Variants in PI4KA observed in about 807,000 individuals in gnomAD.
PI4KA encodes phosphatidylinositol 4-kinase alpha.
Under a neutral mutation model 271.4 loss-of-function variants are expected in PI4KA, and 122 were observed. The observed-to-expected ratio is 0.45, with a 90% confidence interval of 0.39 to 0.52. The LOEUF is 0.52. Ranked by LOEUF, PI4KA falls within the 20% of genes least tolerant of loss-of-function variation. The pLI is 0.00. For synonymous variants in PI4KA, 1,041 were observed against 1,078.8 expected (o/e 0.96, Z 0.69); for missense variants, 1,969 against 2,769.1 (o/e 0.71, Z 6.48).
At chr22:20,818,401 C>A in intron 7 of PI4KA, 82 bp downstream of exon 7, 2 of 990,158 alleles carry the variant, frequency 2.0e-6, no homozygotes, top group Admixed American at 2.7e-5. Context: ...TTAGTATCAG[C>A]ATCCTTAATA....
intron 13 of PI4KA, among the ~76,000 whole-genome samples, chr22:20,802,668 TA>T (rs1935397373): frequency 6.6e-6 from 1 of 152,182 alleles, no homozygotes; most frequent in African/African-American, 2.4e-5. Context: ...CCTGAGTAGC[TA>T]GGACTACAGG....
chr22:20,779,536 A>G lies in PI4KA; in HGVS notation c.2328+13657T>C, dbSNP rs753161329. 4.3e-6 allele frequency: 7 copies of G among 1,614,000 alleles called. No individual in the cohort carries two copies. The East Asian group carries it at 1.3e-4, about 31-fold the overall frequency. On this transcript the variant is annotated intron_variant, in intron 19 of 54. Transcript: ENST00000255882. ...AACGACTGGATTCCAGAGGGGGAGGAGGACGACGACTATCTGGACCTGGAG... is the reference window on the plus strand; with the variant it reads ...AACGACTGGATTCCAGAGGGGGAGGGGGACGACGACTATCTGGACCTGGAG...
Position 20,721,329 on chromosome 22 carries a change from A to G in PI4KA, c.5085T>C (p.Ile1695=). ...TCTGGTGGCCCTCTTCATCTAGATAAATGTTAGTCTTCATGTTCCAGATGA... is the reference window on the plus strand; with the variant it reads ...TCTGGTGGCCCTCTTCATCTAGATAGATGTTAGTCTTCATGTTCCAGATGA... ...HQFIWNMKTN[I]YLDEEGHQKD... is the part of the protein sequence containing the mutation. The change falls in exon 43 of 55, where the codon ATT becomes ATC. Residue 1695 remains isoleucine, a synonymous_variant. Transcript: ENST00000255882. 6.2e-7 allele frequency: 1 copy of G among 1,614,018 alleles called. No homozygotes were observed. Among genetic ancestry groups the G allele is most frequent in the Non-Finnish European group, 8.5e-7 (1 of 1,179,966 alleles).
chr22:20,777,850 C>T (rs1933426572), intron 19 of PI4KA, among the ~76,000 whole-genome samples: 1 of 152,210 alleles, frequency 6.6e-6, no homozygotes, highest in Non-Finnish European at 1.5e-5. Flanking sequence ...CAGGCCAAGT[C>T]AGATCCTCCT....
intron 18 of PI4KA, among the ~76,000 whole-genome samples, chr22:20,795,795 C>G (rs1036970943): frequency 6.6e-6 from 1 of 152,010 alleles, no homozygotes; most frequent in Non-Finnish European, 1.5e-5. Flanking sequence ...GATGATGGGC[C>G]CTTAAAGTCC....
chr22:20,771,116 C>T (rs1459292389), intron 19 of PI4KA, among the ~76,000 whole-genome samples: 1 of 152,150 alleles, frequency 6.6e-6, no homozygotes, highest in East Asian at 1.9e-4. Flanking sequence ...ACAGGAGGTA[C>T]TGCTCTACAG....
rs372373726 is a variant in PI4KA, at chr22:20,744,179, G to A, written c.3456+449C>T. Among the ~76,000 whole-genome samples, 16 of 152,358 alleles carry A rather than the reference G, an allele frequency of 1.1e-4. No homozygotes were observed. In the South Asian group the frequency reaches 3.3e-3, roughly 32 times the overall value. On this transcript the variant is annotated intron_variant, in intron 30 of 54. Coordinates refer to ENST00000255882, the MANE Select transcript of PI4KA (RefSeq NM_058004.4). The stretch of plus-strand genomic sequence containing the variant: ...TGAGGCTGGAATAAACTGTGGTGTG[G>A]TGGGTGAAAGCCCACGATGTGGAGT...
rs1924622526 is a variant in PI4KA, at chr22:20,834,605, T to C, written c.324A>G (p.Pro108=). The change falls in exon 3 of 55, where the codon CCA becomes CCG. Residue 108 remains proline, a synonymous_variant. Transcript: ENST00000255882. Reference sequence around the variant, plus strand: ...TGCTTTCTTCTACCCAATACACTTTTGGAAGACCTTTGAGAAGTCGAAGAA... The same window carrying C: ...TGCTTTCTTCTACCCAATACACTTTCGGAAGACCTTTGAGAAGTCGAAGAA... ...PYLLRLLKGL[P]KVYWVEESTA... 2 of 1,611,686 alleles carry C rather than the reference T, an allele frequency of 1.2e-6. No individual in the cohort carries two copies. Among genetic ancestry groups the C allele is most frequent in the South Asian group, 1.1e-5 (1 of 91,046 alleles).
intron 32 of PI4KA, among the ~76,000 whole-genome samples, chr22:20,741,336 A>G (rs1042141465): frequency 1.3e-5 from 2 of 152,186 alleles, no homozygotes; most frequent in Non-Finnish European, 2.9e-5. Flanking sequence ...AGCCCCGCCC[A>G]GGAATCAGAG....
chr22:20,829,779 T>A (rs1351970136), intron 3 of PI4KA, among the ~76,000 whole-genome samples: 1 of 152,146 alleles, frequency 6.6e-6, no homozygotes, highest in Non-Finnish European at 1.5e-5. Context: ...CTTTTCAACG[T>A]CAGCATTCAT....
Position 20,799,192 on chromosome 22 carries a change from C to T in PI4KA, c.1905G>A (p.Glu635=). Reference sequence around the variant, plus strand: ...TCTGCTGTAGGATCTGCAGAATGGGCTCCATGACCTTCGGGGTGTCCCTCA... The same window carrying T: ...TCTGCTGTAGGATCTGCAGAATGGGTTCCATGACCTTCGGGGTGTCCCTCA... ...VALRDTPKVM[E]PILQILQQKF... The change falls in exon 16 of 55, where the codon GAG becomes GAA. Residue 635 remains glutamate, a synonymous_variant. Coordinates refer to ENST00000255882, the MANE Select transcript of PI4KA (RefSeq NM_058004.4). 2 of 1,602,696 alleles carry T rather than the reference C, an allele frequency of 1.2e-6. No homozygotes were observed. Among genetic ancestry groups the T allele is most frequent in the South Asian group, 1.1e-5 (1 of 88,896 alleles).
In PI4KA at chr22:20,803,297, C is replaced by A; in HGVS notation, c.1485G>T (p.Arg495Ser). Residue 495 changes from arginine to serine, a missense_variant, in exon 13 of 55, where the codon AGG becomes AGT. Physicochemically the swap from Arg to Ser is moderately radical, Grantham distance 110. Around this residue, in one of 13 missense-constraint regions of PI4KA, gnomAD observed 228 missense variants for 261.6 expected, o/e 0.87. Coordinates refer to ENST00000255882, the MANE Select transcript of PI4KA (RefSeq NM_058004.4). ...TCACAGAGTGCACCACCACCGGGAACCTCTCGCACAGGCGGCCCAAACCCT... is the reference window on the plus strand; with the variant it reads ...TCACAGAGTGCACCACCACCGGGAAACTCTCGCACAGGCGGCCCAAACCCT... Reference protein sequence around the residue: ...CLQGLGRLCERFPVVVHSVTP... With the variant: ...CLQGLGRLCESFPVVVHSVTP... The A allele has an allele frequency of 6.2e-7, 1 of 1,614,136 alleles. No homozygotes were observed. The highest frequency in any genetic ancestry group is 8.5e-7 in the Non-Finnish European group (1 of 1,179,988).
chr22:20,831,578 C>CAA (rs751063581), intron 3 of PI4KA, among the ~76,000 whole-genome samples: 1,181 of 105,246 alleles, frequency 0.011, 22 homozygotes, highest in African/African-American at 0.046. Flanking sequence ...AAAACACAAA[C>CAA]AAAAACAAAA....
At chr22:20,849,979 G>A (rs555684491) in intron 1 of PI4KA, among the ~76,000 whole-genome samples, 28 of 152,332 alleles carry the variant, frequency 1.8e-4, no homozygotes, top group South Asian at 1.0e-3. Flanking sequence ...TAGGGATGGG[G>A]CTGGTAGGGC....
intron 3 of PI4KA, among the ~76,000 whole-genome samples, chr22:20,827,704 T>C (rs756916305): frequency 2.0e-5 from 3 of 152,190 alleles, no homozygotes; most frequent in Non-Finnish European, 4.4e-5. Flanking sequence ...TTTCCATTTG[T>C]TTGTGTAAGC....
At chr22:20,826,816 G>A (rs1315502426) in intron 3 of PI4KA, among the ~76,000 whole-genome samples, 2 of 152,048 alleles carry the variant, frequency 1.3e-5, no homozygotes, top group African/African-American at 2.4e-5. Flanking sequence ...CAGATGATGA[G>A]CATATTTTTC....
chr22:20,753,788 G>A (rs984180220), intron 23 of PI4KA, among the ~76,000 whole-genome samples: 2 of 151,950 alleles, frequency 1.3e-5, no homozygotes, highest in African/African-American at 2.4e-5. Flanking sequence ...CTGGGTTCAC[G>A]CCATTCTCCT....
At chr22:20,747,480 C>T (rs1042150577) in intron 29 of PI4KA, 103 bp downstream of exon 29, 7 of 1,244,920 alleles carry the variant, frequency 5.6e-6, no homozygotes, top group African/African-American at 3.0e-5. Flanking sequence ...CCTGCATGTA[C>T]TCATGTGCGT....
At position 20,819,388 on chromosome 22, in the gene PI4KA, T is replaced by A. The variant is rs1922293794; in HGVS notation, c.789+253A>T. 2.6e-5 allele frequency among the ~76,000 whole-genome samples: 4 copies of A among 152,188 alleles called. No individual in the cohort carries two copies. In the South Asian group the frequency reaches 8.3e-4, roughly 32 times the overall value. On this transcript the variant is annotated intron_variant, in intron 6 of 54. Transcript: ENST00000255882. The stretch of plus-strand genomic sequence containing the variant: ...GGAACATAATGGCGATAAGGCTTTT[T>A]TTTTAGAGGCCTTTTGTGGCTTTTT...
Sources: gnomAD v4.1 joint callset for allele counts (sites outside exome capture counted in the v4.1 genomes callset) on GRCh38, gnomAD v4.1.1 for gene constraint, gnomAD v4.1.1 regional missense constraint, MANE v1.5 for transcripts, NCBI Gene and HGNC (gene_info 2026-07-23, HGNC 2026-07-21) for gene names.